Variants in CDK14 observed in about 807,000 individuals in gnomAD.
CDK14 encodes the protein cyclin-dependent kinase 14.
In CDK14, 34 loss-of-function variants were observed where a neutral mutation model predicts 60.7. The ratio of observed to expected loss-of-function variants is 0.56; its 90% CI spans 0.43 to 0.75. The LOEUF (loss-of-function observed/expected upper bound fraction) is 0.75. Among genes scored for constraint, CDK14 ranks in the 30% least tolerant of loss-of-function variants. The pLI is 0.00. For synonymous variants in CDK14, 197 were observed against 203.7 expected (o/e 0.97, Z 0.28); for missense variants, 482 against 564.1 (o/e 0.85, Z 1.47).
intron 11 of CDK14, among the ~76,000 whole-genome samples, chr7:91,065,555 T>A (rs1269869804): frequency 3.9e-5 from 6 of 152,234 alleles, no homozygotes; most frequent in African/African-American, 1.4e-4. Flanking sequence ...CCAAGGACTA[T>A]AGATTCAGCT....
rs73227073 is a variant in CDK14, at chr7:90,957,979, C to T, written c.947+2162C>T. Reference sequence around the variant, plus strand: ...GAGTCATTTTCCCTGAATGATTATGCCCCCATATGTAGAATTCCACTGTGT... The same window carrying T: ...GAGTCATTTTCCCTGAATGATTATGTCCCCATATGTAGAATTCCACTGTGT... On this transcript the variant is annotated intron_variant, in intron 9 of 14. Transcript: ENST00000380050. Among the ~76,000 whole-genome samples the T allele has an allele frequency of 2.6e-5, 4 of 152,094 alleles. 1 individual carries two copies. Among genetic ancestry groups the T allele is most frequent in the Non-Finnish European group, 4.4e-5 (3 of 68,016 alleles).
intron 6 of CDK14, among the ~76,000 whole-genome samples, chr7:90,874,869 G>A (rs567935854): frequency 1.3e-5 from 2 of 152,002 alleles, no homozygotes; most frequent in African/African-American, 2.4e-5. Flanking sequence ...GCTTTATTAC[G>A]ATACAATTCA....
At position 91,023,019 on chromosome 7, in the gene CDK14, T is replaced by A. The variant is rs1055932972; in HGVS notation, c.1042-22878T>A. On this transcript the variant is annotated intron_variant, in intron 10 of 14. Coordinates refer to ENST00000380050, the MANE Select transcript of CDK14 (RefSeq NM_001287135.2). Reference sequence around the variant, plus strand: ...TTCAAGCCTTTGAAGTATATATTTTTTTTTTTTCGTCTAATGAAACAACTG... The same window carrying A: ...TTCAAGCCTTTGAAGTATATATTTTATTTTTTTCGTCTAATGAAACAACTG... Among the ~76,000 whole-genome samples, 724 of 152,076 alleles carry A rather than the reference T, an allele frequency of 4.8e-3. 5 individuals carry two copies. The highest frequency in any genetic ancestry group is 0.01 in the African/African-American group (425 of 41,472).
At chr7:91,076,350 T>A (rs909543589) in intron 11 of CDK14, among the ~76,000 whole-genome samples, 3 of 140,054 alleles carry the variant, frequency 2.1e-5, no homozygotes, top group Non-Finnish European at 3.0e-5. Context: ...ATGCCACACA[T>A]CTATAACCAT....
At chr7:90,998,991 T>C (rs1345462132) in intron 10 of CDK14, among the ~76,000 whole-genome samples, 1 of 152,142 alleles carries the variant, frequency 6.6e-6, no homozygotes, top group Non-Finnish European at 1.5e-5. Flanking sequence ...CCTTCTTATG[T>C]CGTAACATCG....
chr7:91,040,478 T>A (rs1007004687), intron 10 of CDK14, among the ~76,000 whole-genome samples: 2 of 152,192 alleles, frequency 1.3e-5, no homozygotes, highest in African/African-American at 4.8e-5. Context: ...TTTAGAGATG[T>A]TATATGTGTG....
Position 91,133,390 on chromosome 7 carries a change from A to G in CDK14, c.*28+15182A>G, listed in dbSNP as rs545587640. On this transcript the variant is annotated intron_variant, in intron 14 of 14. Transcript: ENST00000380050. The stretch of plus-strand genomic sequence containing the variant: ...GTAACTAAAATTTTCAGGGATAATT[A>G]TGATAACAATGAAAAAAATGTTGAA... 1.8e-4 allele frequency among the ~76,000 whole-genome samples: 27 copies of G among 152,308 alleles called. No individual in the cohort carries two copies. In the South Asian group the frequency reaches 5.6e-3, roughly 32 times the overall value.
chr7:90,611,142 T>C (rs1799530607), intron 2 of CDK14, among the ~76,000 whole-genome samples: 1 of 152,194 alleles, frequency 6.6e-6, no homozygotes, highest in Admixed American at 6.5e-5. Context: ...TTCTTTCCTT[T>C]CTTTTCTATG....
chr7:91,173,822 G>C (rs1404884502), intron 14 of CDK14, among the ~76,000 whole-genome samples: 1 of 152,116 alleles, frequency 6.6e-6, no homozygotes, highest in South Asian at 2.1e-4. Context: ...ACGGAGTCTC[G>C]CTGATTGCTA....
At chr7:91,205,442 G>A (rs1802863921) in intron 14 of CDK14, among the ~76,000 whole-genome samples, 1 of 152,182 alleles carries the variant, frequency 6.6e-6, no homozygotes, top group South Asian at 2.1e-4. Flanking sequence ...GACAAAATGG[G>A]TAGCATATTA....
At chr7:90,760,810 A>G (rs1804283813) in intron 4 of CDK14, among the ~76,000 whole-genome samples, 1 of 152,226 alleles carries the variant, frequency 6.6e-6, no homozygotes, top group Admixed American at 6.5e-5. Context: ...AGTTCACAAT[A>G]TGGGATTTTC....
chr7:90,658,650 T>C (rs1180577541), intron 2 of CDK14, among the ~76,000 whole-genome samples: 1 of 152,242 alleles, frequency 6.6e-6, no homozygotes, highest in Non-Finnish European at 1.5e-5. Flanking sequence ...TTTTATGGTT[T>C]ACTAATATTC....
At position 90,984,159 on chromosome 7, in the gene CDK14, G is replaced by A. The variant is rs1327755208; in HGVS notation, c.959G>A (p.Cys320Tyr). The change falls in exon 10 of 15, where the codon TGC becomes TAC. Residue 320 changes from cysteine (C) to tyrosine (Y), a missense_variant. Cys to Tyr is a radical substitution (Grantham distance 194, BLOSUM62 -2). Coordinates refer to ENST00000380050, the MANE Select transcript of CDK14 (RefSeq NM_001287135.2). ...TCTTCTCTCTCTAGGGGAGTAGGTTGCATCTTTGTTGAAATGATCCAAGGA... is the reference window on the plus strand; with the variant it reads ...TCTTCTCTCTCTAGGGGAGTAGGTTACATCTTTGTTGAAATGATCCAAGGA... ...STCLDMWGVG[C>Y]IFVEMIQGVA... The A allele has an allele frequency of 1.2e-6, 2 of 1,605,988 alleles. No individual in the cohort carries two copies. The highest frequency in any genetic ancestry group is 1.7e-6 in the Non-Finnish European group (2 of 1,172,802).
chr7:91,121,392 G>A (rs1799777811), intron 14 of CDK14, among the ~76,000 whole-genome samples: 1 of 152,190 alleles, frequency 6.6e-6, no homozygotes, highest in South Asian at 2.1e-4. Flanking sequence ...TTACAAGGAG[G>A]TAAATGTGGA....
At chr7:90,962,372 GC>G (rs1157413764) in intron 9 of CDK14, among the ~76,000 whole-genome samples, 2 of 152,094 alleles carry the variant, frequency 1.3e-5, no homozygotes, top group East Asian at 3.9e-4. Flanking sequence ...TGTAACCCCA[GC>G]TACTTGGGAG....
chr7:91,120,674 T>C (rs1315229065), intron 14 of CDK14, among the ~76,000 whole-genome samples: 4 of 152,136 alleles, frequency 2.6e-5, no homozygotes, highest in Admixed American at 2.6e-4. Context: ...GTAGCTGGGA[T>C]TACAGGCACA....
chr7:90,721,310 C>T (rs1214662466), intron 2 of CDK14, among the ~76,000 whole-genome samples: 1 of 152,114 alleles, frequency 6.6e-6, no homozygotes, highest in Non-Finnish European at 1.5e-5. Context: ...TAAAATCAAC[C>T]ATATTGTATT....
chr7:91,063,532 A>T (rs1376413808), intron 11 of CDK14, among the ~76,000 whole-genome samples: 5 of 152,236 alleles, frequency 3.3e-5, no homozygotes, highest in Non-Finnish European at 4.4e-5. Context: ...TATGTATGTA[A>T]ACAGATGCTC....
intron 8 of CDK14, among the ~76,000 whole-genome samples, chr7:90,922,407 T>A (rs1793279393): frequency 2.0e-5 from 3 of 152,106 alleles, no homozygotes; most frequent in Non-Finnish European, 4.4e-5. Flanking sequence ...TGATAATATA[T>A]GAACCAAAGA....
Sources: gnomAD v4.1 joint callset for allele counts (sites outside exome capture counted in the v4.1 genomes callset) on GRCh38, gnomAD v4.1.1 for gene constraint, MANE v1.5 for transcripts, NCBI Gene and HGNC (gene_info 2026-07-23, HGNC 2026-07-21) for gene names.